Variants in C10orf67 observed in about 807,000 individuals in gnomAD.
C10orf67 encodes chromosome 10 open reading frame 67, also known as uncharacterized protein C10orf67, mitochondrial.
Under a neutral mutation model 35.6 loss-of-function variants are expected in C10orf67, and 60 were observed. The ratio of observed to expected loss-of-function variants is 1.68; its 90% CI spans 1.37 to 2.09. C10orf67 has a LOEUF of 2.09. Ranked by LOEUF, C10orf67 falls within the 30% of genes most tolerant of loss-of-function variation. C10orf67 has a pLI of 0.00. For missense variants in C10orf67, 474 were observed against 330.2 expected (o/e 1.44, Z -3.38); for synonymous variants, 167 against 115.8 (o/e 1.44, Z -2.84).
chr10:23,340,542 C>T (rs770833095), intron 1 of C10orf67, among the ~76,000 whole-genome samples: 8 of 152,084 alleles, frequency 5.3e-5, no homozygotes, highest in Non-Finnish European at 1.0e-4. Context: ...TTCTAACTCC[C>T]TGATGAGGAT....
chr10:23,219,857 G>C (rs1007401859), intron 15 of C10orf67, among the ~76,000 whole-genome samples: 11 of 152,232 alleles, frequency 7.2e-5, no homozygotes, highest in South Asian at 6.2e-4. Context: ...ATGCCTGGTA[G>C]AAAATCAGCT....
chr10:23,253,488 AG>A lies in C10orf67; in HGVS notation c.1201-2798del, dbSNP rs552969120. On this transcript the variant is annotated intron_variant, in intron 10 of 15. Coordinates refer to ENST00000636213, the MANE Select transcript of C10orf67 (RefSeq NM_001371909.1). The stretch of plus-strand genomic sequence containing the variant: ...TCACCAGGGGAAGAGCCCCAGGCCC[AG>A]GGTCAGGGAGAACACTTGCCATTAT... Among the ~76,000 whole-genome samples, 39 of 152,314 alleles carry A rather than the reference AG, an allele frequency of 2.6e-4. No homozygotes were observed. In the South Asian group the frequency reaches 5.8e-3, roughly 23 times the overall value.
At chr10:23,332,675 C>CAA (rs57837146) in intron 2 of C10orf67, among the ~76,000 whole-genome samples, 26,602 of 134,536 alleles carry the variant, frequency 0.2, 2,673 homozygotes, top group Middle Eastern at 0.3. Flanking sequence ...GACACTGTCT[C>CAA]AAAAAAAAAA....
intron 1 of C10orf67, among the ~76,000 whole-genome samples, chr10:23,339,280 G>A (rs1053625684): frequency 6.6e-6 from 1 of 151,934 alleles, no homozygotes; most frequent in African/African-American, 2.4e-5. Flanking sequence ...AATACCAAGG[G>A]GCAATTGGGT....
At chr10:23,222,866 A>G (rs1040910940) in intron 15 of C10orf67, among the ~76,000 whole-genome samples, 17 of 152,148 alleles carry the variant, frequency 1.1e-4, no homozygotes, top group African/African-American at 3.9e-4. Flanking sequence ...TGAGACAGCC[A>G]GGTTGCCCAG....
At chr10:23,268,639 C>T (rs1842943895) in intron 8 of C10orf67, among the ~76,000 whole-genome samples, 1 of 152,182 alleles carries the variant, frequency 6.6e-6, no homozygotes, top group Non-Finnish European at 1.5e-5. Flanking sequence ...TAGTTGGTTT[C>T]AATGGGTTTG....
chr10:23,247,796 T>TA (rs1470748677), intron 12 of C10orf67, among the ~76,000 whole-genome samples: 2 of 152,212 alleles, frequency 1.3e-5, no homozygotes, highest in Admixed American at 6.5e-5. Context: ...CAATTCAGAA[T>TA]ATTTGCCAAT....
chr10:23,261,772 G>A (rs1046344329), intron 10 of C10orf67, among the ~76,000 whole-genome samples: 3 of 152,124 alleles, frequency 2.0e-5, no homozygotes, highest in African/African-American at 4.8e-5. Context: ...ATGCAAATGG[G>A]AAGAAAATAG....
chr10:23,210,160 A>G (rs761059428), intron 15 of C10orf67, among the ~76,000 whole-genome samples: 2 of 152,044 alleles, frequency 1.3e-5, no homozygotes, highest in Non-Finnish European at 2.9e-5. Context: ...AGCCAGGAGG[A>G]AAGTGGAGGA....
chr10:23,294,649 C>T (rs1227093355), intron 5 of C10orf67, among the ~76,000 whole-genome samples: 1 of 152,102 alleles, frequency 6.6e-6, no homozygotes, highest in African/African-American at 2.4e-5. Flanking sequence ...AATTATAAAG[C>T]TATTGAAGTA....
chr10:23,328,030 T>C (rs1377342302), intron 2 of C10orf67, among the ~76,000 whole-genome samples: 1 of 152,168 alleles, frequency 6.6e-6, no homozygotes, highest in Non-Finnish European at 1.5e-5. Flanking sequence ...TTTCTTATTA[T>C]ACAGTTGAAA....
intron 1 of C10orf67, chr10:23,343,961 G>C: frequency 4.3e-6 from 2 of 465,418 alleles, no homozygotes; most frequent in South Asian, 1.6e-5. Flanking sequence ...ATGATCTTCC[G>C]GCCCTCCTCT....
At chr10:23,235,201 GA>G (rs990110485) in intron 13 of C10orf67, among the ~76,000 whole-genome samples, 43 of 152,030 alleles carry the variant, frequency 2.8e-4, no homozygotes, top group African/African-American at 1.0e-3. Context: ...AATTGATCTA[GA>G]AAAACGGAAC....
At chr10:23,286,546 G>T (rs1711939228) in intron 7 of C10orf67, among the ~76,000 whole-genome samples, 1 of 114,408 alleles carries the variant, frequency 8.7e-6, no homozygotes, top group Non-Finnish European at 1.9e-5. Context: ...GGGAAGGAAG[G>T]GAGGGAAGGG....
chr10:23,284,039 C>T lies in C10orf67; in HGVS notation c.910-1961G>A, dbSNP rs1042464404. Among the ~76,000 whole-genome samples, 8 of 151,234 alleles carry T rather than the reference C, an allele frequency of 5.3e-5. No individual in the cohort carries two copies. The South Asian group carries it at 1.7e-3, about 32-fold the overall frequency. On this transcript the variant is annotated intron_variant, in intron 7 of 15. Coordinates refer to ENST00000636213, the MANE Select transcript of C10orf67 (RefSeq NM_001371909.1). ...AATTCCATAACTGACCATGCTTAGC[C>T]CAGATAGATGGCAAGAGGTCAGCTT...
chr10:23,214,351 CATT>C (rs1156272970), intron 15 of C10orf67, among the ~76,000 whole-genome samples: 1 of 151,888 alleles, frequency 6.6e-6, no homozygotes, highest in Admixed American at 6.6e-5. Context: ...AATTAGGAGT[CATT>C]AATTAAAGGT....
rs940669178 is a variant in C10orf67 at position 23,203,223 on chromosome 10, A to C, written c.*950T>G. ...TTGGAGACAGCGGCATATAGTGCAT[A>C]GTAGATGAAGCTCGAATAACGCTCC... is the stretch of plus-strand genomic sequence containing the variant. On this transcript the variant is annotated 3_prime_UTR_variant, in exon 16 of 16. Transcript: ENST00000636213. 1.3e-5 allele frequency: 2 copies of C among 152,234 alleles called. No individual in the cohort carries two copies. Among genetic ancestry groups the C allele is most frequent in the Non-Finnish European group, 2.9e-5 (2 of 68,050 alleles). 9.4% of individuals were successfully genotyped at this position (152,234 alleles called of 1,614,324 possible). A position where few individuals can be genotyped will look rare whatever the true frequency, so the allele number is the denominator to read the frequency against.
chr10:23,228,396 G>A (rs1185936146), intron 13 of C10orf67, among the ~76,000 whole-genome samples: 1 of 152,108 alleles, frequency 6.6e-6, no homozygotes, highest in Non-Finnish European at 1.5e-5. Flanking sequence ...TATATAGAAA[G>A]CTGAAACTGG....
At chr10:23,220,078 A>C (rs533037705) in intron 15 of C10orf67, among the ~76,000 whole-genome samples, 2 of 152,178 alleles carry the variant, frequency 1.3e-5, no homozygotes, top group South Asian at 4.2e-4. Flanking sequence ...AGGCTGAGGC[A>C]GGAGGATCAC....
Sources: gnomAD v4.1 joint callset for allele counts (sites outside exome capture counted in the v4.1 genomes callset) on GRCh38, gnomAD v4.1.1 for gene constraint, MANE v1.5 for transcripts, NCBI Gene and HGNC (gene_info 2026-07-23, HGNC 2026-07-21) for gene names.